ZRANB1: variants seen among roughly 807,000 people sequenced by gnomAD.
The protein encoded by ZRANB1 is ubiquitin thioesterase ZRANB1.
In ZRANB1, 16 loss-of-function variants were observed where a neutral mutation model predicts 80.5. The ratio of observed to expected loss-of-function variants is 0.20; its 90% confidence interval spans 0.13 to 0.30. The LOEUF (loss-of-function observed/expected upper bound fraction) is 0.30, where lower values mean the gene tolerates loss of function less well. Among genes scored for constraint, ZRANB1 ranks in the 10% least tolerant of loss-of-function variants. The pLI, the probability that ZRANB1 is intolerant of heterozygous loss-of-function variation, is 1.00. For synonymous variants in ZRANB1, 291 were observed against 293.1 expected (o/e 0.99, Z 0.07); for missense variants, 576 against 862.6 (o/e 0.67, Z 4.16).
chr10:124,965,429 C>G (rs1951768515), intron 1 of ZRANB1, among the ~76,000 whole-genome samples: 1 of 152,102 alleles, frequency 6.6e-6, no homozygotes, highest in Non-Finnish European at 1.5e-5. Context: ...CTCATATTGC[C>G]TGGCAAGGCG....
the ZRANB1 span, among the ~76,000 whole-genome samples, chr10:124,933,376 A>G: frequency 6.6e-6 from 1 of 152,042 alleles, no homozygotes; most frequent in Non-Finnish European, 1.5e-5. Flanking sequence ...TGACCTCGTG[A>G]TCCACCTGCC....
At chr10:124,979,827 T>G (rs577324246) in intron 5 of ZRANB1, among the ~76,000 whole-genome samples, 11 of 152,376 alleles carry the variant, frequency 7.2e-5, no homozygotes, top group Admixed American at 3.9e-4. Flanking sequence ...TAGTTGACCA[T>G]AAAAGTAAGG....
intron 1 of ZRANB1, among the ~76,000 whole-genome samples, chr10:124,952,858 C>T (rs1017756996): frequency 2.0e-5 from 3 of 152,236 alleles, no homozygotes; most frequent in South Asian, 4.1e-4. Flanking sequence ...GATCTGTCCA[C>T]CTTGGCTTCC....
In ZRANB1 at chr10:124,943,225, A is replaced by G. The variant is rs1951551863; in HGVS notation, c.732A>G (p.Glu244=). 3 of 1,614,102 alleles carry G rather than the reference A, an allele frequency of 1.9e-6. No homozygotes were observed. Among genetic ancestry groups the G allele is most frequent in the Non-Finnish European group, 2.5e-6 (3 of 1,180,044 alleles). ...CTGGTGCTGTGGGAAGCAAGGAGGA[A>G]CTTGAAGTAGACTTTAAAAAACTAA... ...ELAGAVGSKE[E]LEVDFKKLKQ... is the part of the protein sequence containing the mutation. Residue 244 remains glutamate, a synonymous_variant, in exon 1 of 9, where the codon GAA becomes GAG. Coordinates refer to ENST00000359653, the MANE Select transcript of ZRANB1 (RefSeq NM_017580.3).
chr10:124,922,283 T>TATATATATATATATATATGTAAA, the ZRANB1 span, among the ~76,000 whole-genome samples: 1 of 36,690 alleles, frequency 2.7e-5, no homozygotes, highest in African/African-American at 4.4e-5. Context: ...ATATGTAAAA[T>TATATATATATATATATATGTAAA]ATATATATAT....
At chr10:124,937,675 G>A (rs759177763), upstream of ZRANB1, among the ~76,000 whole-genome samples, 5 of 152,090 alleles carry the variant, frequency 3.3e-5, no homozygotes, top group East Asian at 1.9e-4. Flanking sequence ...CCTTTCCCCC[G>A]CCTGCTATTA....
the ZRANB1 span, among the ~76,000 whole-genome samples, chr10:124,919,299 C>G: frequency 2.6e-5 from 4 of 152,276 alleles, no homozygotes; most frequent in East Asian, 7.8e-4. Flanking sequence ...AATCCCAGCA[C>G]TTTGGGAGGT....
chr10:124,935,953 C>T, the ZRANB1 span, among the ~76,000 whole-genome samples: 3 of 152,262 alleles, frequency 2.0e-5, no homozygotes, highest in East Asian at 5.8e-4. Flanking sequence ...ATATAAAGTG[C>T]CAAATGTCAA....
intron 1 of ZRANB1, among the ~76,000 whole-genome samples, chr10:124,949,421 ATG>A (rs959613123): frequency 6.9e-6 from 1 of 145,494 alleles, no homozygotes; most frequent in African/African-American, 2.5e-5. Context: ...ACACATATAT[ATG>A]TATATATATA....
Position 124,963,537 on chromosome 10 carries a change from GTTTTTTTTTTTTGTTTGTTT to G in ZRANB1, c.815-3044_815-3025del, listed in dbSNP as rs1298206694. On this transcript the variant is annotated intron_variant, in intron 1 of 8. Coordinates refer to ENST00000359653, the MANE Select transcript of ZRANB1 (RefSeq NM_017580.3). ...ATGTGAAGAACTCAGATATTGTAAG[GTTTTTTTTTTTTGTTTGTTT>G]TTTTTTTTTTTTTTTTTTTTGGGCA... Among the ~76,000 whole-genome samples, 22 of 93,504 alleles carry G rather than the reference GTTTTTTTTTTTTGTTTGTTT, an allele frequency of 2.4e-4. No homozygotes were observed. The Admixed American group carries it at 2.4e-3, about 10-fold the overall frequency. The allele number at this position is 93,504 out of a possible 152,430, so 61.3% of individuals were successfully genotyped here.
At chr10:124,978,764 C>T (rs925884372) in intron 5 of ZRANB1, among the ~76,000 whole-genome samples, 13 of 148,936 alleles carry the variant, frequency 8.7e-5, no homozygotes, top group African/African-American at 3.2e-4. Flanking sequence ...GTAGCTGGGA[C>T]TACAGGCACA....
chr10:124,972,167 A>G (rs781352358), intron 3 of ZRANB1, 49 bp downstream of exon 3: 16 of 1,567,864 alleles, frequency 1.0e-5, no homozygotes, highest in Non-Finnish European at 1.4e-5. Flanking sequence ...TATTATAGTT[A>G]CATTTGTGTA....
At chr10:124,952,429 G>T (rs773811073) in intron 1 of ZRANB1, among the ~76,000 whole-genome samples, 4 of 152,156 alleles carry the variant, frequency 2.6e-5, no homozygotes, top group Non-Finnish European at 4.4e-5. Context: ...CTTTTCTAGA[G>T]CCTCATGAAG....
At position 124,974,210 on chromosome 10, in the gene ZRANB1, A is replaced by C; in HGVS notation, c.1239A>C (p.Glu413Asp). 1 of 1,614,254 alleles carries C rather than the reference A, an allele frequency of 6.2e-7. No individual in the cohort carries two copies. Among genetic ancestry groups the C allele is most frequent in the Non-Finnish European group, 8.5e-7 (1 of 1,180,016 alleles). ...LDRDVQKELE[E>D]ESPIINWSLE... ...AAATCCATCGTACAGAATTAGAAGAAGAATCTCCAATTATTAACTGGTCCT... is the reference window on the plus strand; with the variant it reads ...AAATCCATCGTACAGAATTAGAAGACGAATCTCCAATTATTAACTGGTCCT... Residue 413 changes from glutamate to aspartate, a missense_variant, in exon 5 of 9, where the codon GAA becomes GAC. This residue lies in a region of ZRANB1 where 411 missense variants were observed against 583.1 expected (regional missense o/e 0.70). Transcript: ENST00000359653.
the ZRANB1 span, among the ~76,000 whole-genome samples, chr10:124,935,676 G>A: frequency 6.6e-6 from 1 of 152,198 alleles, no homozygotes; most frequent in African/African-American, 2.4e-5. Flanking sequence ...CCATGGAGTT[G>A]ATTCCATCCT....
At chr10:124,923,556 C>T in the ZRANB1 span, among the ~76,000 whole-genome samples, 9 of 152,046 alleles carry the variant, frequency 5.9e-5, no homozygotes, top group Non-Finnish European at 1.2e-4. Context: ...TGTGCCACTG[C>T]GCTTCAGCCT....
rs990332312 is a variant in ZRANB1 at position 124,986,641 on chromosome 10, GTGT to G, written c.*1654_*1656del. 4.9e-4 allele frequency: 74 copies of G among 152,260 alleles called. No homozygotes were observed. The highest frequency in any genetic ancestry group is 1.6e-3 in the African/African-American group (66 of 41,564). 9.4% of individuals were successfully genotyped at this position (152,260 alleles called of 1,614,324 possible). On this transcript the variant is annotated 3_prime_UTR_variant, in exon 9 of 9. Transcript: ENST00000359653. ...CTGCTGTTTGTTTCAAGTGGTGAAT[GTGT>G]TGTTAAAAATTGGCTGTTTGCTTTC...
chr10:124,920,888 C>T, the ZRANB1 span, among the ~76,000 whole-genome samples: 2 of 152,032 alleles, frequency 1.3e-5, no homozygotes, highest in African/African-American at 4.8e-5. Context: ...ATATTCAGCA[C>T]TGAAAATATG....
At chr10:124,959,841 C>G (rs1029277072) in intron 1 of ZRANB1, among the ~76,000 whole-genome samples, 1 of 151,782 alleles carries the variant, frequency 6.6e-6, no homozygotes, top group Admixed American at 6.6e-5. Flanking sequence ...GTAGAGGGAG[C>G]AACACTTGAG....
Sources: gnomAD v4.1 joint callset for allele counts (sites outside exome capture counted in the v4.1 genomes callset) on GRCh38, gnomAD v4.1.1 for gene constraint, gnomAD v4.1.1 regional missense constraint, MANE v1.5 for transcripts, NCBI Gene and HGNC (gene_info 2026-07-23, HGNC 2026-07-21) for gene names.